BRINP1: variants seen among roughly 807,000 people sequenced by gnomAD.
The protein encoded by BRINP1 is BMP/retinoic acid inducible neural specific 1.
A neutral mutation model predicts 72.9 loss-of-function variants in BRINP1; 17 were observed. The ratio of observed to expected loss-of-function variants is 0.23; its 90% CI spans 0.16 to 0.35. BRINP1 has a LOEUF of 0.35. BRINP1 is among the 10% of genes least tolerant of loss of function. BRINP1 has a pLI of 1.00. For synonymous variants in BRINP1, 418 were observed against 378.5 expected (o/e 1.10, Z -1.21); for missense variants, 850 against 1,001.6 (o/e 0.85, Z 2.04).
chr9:119,263,791 G>T (rs1830520703), intron 2 of BRINP1, among the ~76,000 whole-genome samples: 1 of 151,684 alleles, frequency 6.6e-6, no homozygotes, highest in South Asian at 2.1e-4. Flanking sequence ...TGTATTTTTA[G>T]TAGAGACGGG....
At position 119,167,284 on chromosome 9, in the gene BRINP1, A is replaced by G; in HGVS notation, c.2086T>C (p.Leu696=). Residue 696 remains leucine, a synonymous_variant, in exon 8 of 8, where the codon TTG becomes CTG. Coordinates refer to ENST00000265922, the MANE Select transcript of BRINP1 (RefSeq NM_014618.3). The surrounding 1 kb of genome is among the most constrained non-coding windows in gnomAD (Gnocchi z 4.3). ...FYSSSSVMLL[L]LDIRDRINRL... is the part of the protein sequence containing the mutation. ...TTAATTCGGTCCCGAATATCCAACA[A>G]GAGGAGCATCACTGACGAAGAGGAA... 1 of 1,614,170 alleles carries G rather than the reference A, an allele frequency of 6.2e-7. No individual in the cohort carries two copies. Among genetic ancestry groups the G allele is most frequent in the South Asian group, 1.1e-5 (1 of 91,082 alleles).
intron 1 of BRINP1, among the ~76,000 whole-genome samples, chr9:119,338,923 A>T (rs1041544242): frequency 1.3e-5 from 2 of 149,440 alleles, no homozygotes; most frequent in African/African-American, 4.9e-5. Context: ...CAACAAAAAC[A>T]CAGGGGGGTG....
chr9:119,354,336 A>T (rs555334545), intron 1 of BRINP1, among the ~76,000 whole-genome samples: 1 of 152,322 alleles, frequency 6.6e-6, no homozygotes, highest in Non-Finnish European at 1.5e-5. Flanking sequence ...CATGTTTTAA[A>T]GCCTGGGAAC....
intron 1 of BRINP1, among the ~76,000 whole-genome samples, chr9:119,343,049 T>C (rs941660056): frequency 6.6e-6 from 1 of 152,214 alleles, no homozygotes; most frequent in Non-Finnish European, 1.5e-5. Flanking sequence ...GTAAAGCCGT[T>C]AGCAGAGTGC....
rs1437780092 is a variant in BRINP1 at position 119,242,215 on chromosome 9, C to T, written c.411G>A (p.Gly137=). The change falls in exon 4 of 8, where the codon GGG becomes GGA. Residue 137 remains glycine (G), a splice_region_variant and synonymous_variant. Transcript: ENST00000265922. ...THLLISATLG[G]EEALTMYMDK... Reference sequence around the variant, plus strand: ...CCATATACATGGTCAAAGCCTCCTCCCCTGGATGGGAAAGAAAAGTAGATA... The same window carrying T: ...CCATATACATGGTCAAAGCCTCCTCTCCTGGATGGGAAAGAAAAGTAGATA... The T allele has an allele frequency of 1.9e-6, 3 of 1,613,498 alleles. No individual in the cohort carries two copies. The highest frequency in any genetic ancestry group is 4.5e-5 in the East Asian group (2 of 44,878).
At chr9:119,324,316 C>G (rs1176417910) in intron 1 of BRINP1, among the ~76,000 whole-genome samples, 1 of 152,274 alleles carries the variant, frequency 6.6e-6, no homozygotes, top group East Asian at 1.9e-4. Flanking sequence ...AAGTGAAGAG[C>G]AGAAGCCCTA....
At chr9:119,239,042 CATT>C (rs1295808033) in intron 4 of BRINP1, among the ~76,000 whole-genome samples, 3 of 152,156 alleles carry the variant, frequency 2.0e-5, no homozygotes, top group Non-Finnish European at 4.4e-5. Context: ...GAAGTTGACA[CATT>C]ATATTTCAAA....
chr9:119,339,486 T>A (rs1831386612), intron 1 of BRINP1, among the ~76,000 whole-genome samples: 1 of 152,244 alleles, frequency 6.6e-6, no homozygotes, highest in South Asian at 2.1e-4. Flanking sequence ...CCGTATATCA[T>A]CAATTCCTAG....
intron 2 of BRINP1, among the ~76,000 whole-genome samples, chr9:119,277,913 C>G (rs1048928754): frequency 5.3e-5 from 8 of 152,130 alleles, no homozygotes; most frequent in African/African-American, 9.7e-5. Context: ...AGGTTACCCC[C>G]CTACCTCTGC....
At chr9:119,246,288 A>C (rs1421050838) in intron 3 of BRINP1, among the ~76,000 whole-genome samples, 1 of 152,134 alleles carries the variant, frequency 6.6e-6, no homozygotes, top group East Asian at 1.9e-4. Context: ...GAGTCAGTGG[A>C]CTGGGAAAGG....
intron 1 of BRINP1, among the ~76,000 whole-genome samples, chr9:119,322,183 G>A (rs905721069): frequency 1.7e-4 from 26 of 152,296 alleles, no homozygotes; most frequent in African/African-American, 6.3e-4. Flanking sequence ...TCTTCCAAAA[G>A]ATTCACAAAG....
At chr9:119,242,692 T>C (rs2118912736) in intron 3 of BRINP1, among the ~76,000 whole-genome samples, 1 of 152,322 alleles carries the variant, frequency 6.6e-6, no homozygotes, top group East Asian at 1.9e-4. Context: ...CCCTGATCTT[T>C]TCTTAATAGA....
At chr9:119,314,985 G>C (rs1831110903) in intron 1 of BRINP1, among the ~76,000 whole-genome samples, 1 of 152,066 alleles carries the variant, frequency 6.6e-6, no homozygotes, top group African/African-American at 2.4e-5. Flanking sequence ...CCACTGCCTG[G>C]CCAAACCCTG....
At chr9:119,278,626 G>A (rs1221142) in intron 2 of BRINP1, among the ~76,000 whole-genome samples, 27,934 of 152,020 alleles carry the variant, frequency 0.18, 3,062 homozygotes, top group South Asian at 0.27. Context: ...GCGGTGGCTC[G>A]CGCCTGTAAT....
At chr9:119,341,083 C>T (rs1831401026) in intron 1 of BRINP1, among the ~76,000 whole-genome samples, 1 of 152,072 alleles carries the variant, frequency 6.6e-6, no homozygotes, top group South Asian at 2.1e-4. Context: ...AGACTCATGC[C>T]TTTCACTTCA....
chr9:119,268,346 G>A (rs1214489430), intron 2 of BRINP1, among the ~76,000 whole-genome samples: 2 of 151,790 alleles, frequency 1.3e-5, no homozygotes, highest in South Asian at 2.1e-4. Context: ...TAGCTGATAC[G>A]GACTGGCCTC....
At chr9:119,202,582 A>G (rs1371732070) in intron 7 of BRINP1, among the ~76,000 whole-genome samples, 2 of 152,188 alleles carry the variant, frequency 1.3e-5, no homozygotes, top group Non-Finnish European at 2.9e-5. Flanking sequence ...TGCACAGTGT[A>G]AGGATCTCCT....
rs920479831 is a variant in BRINP1 at position 119,283,133 on chromosome 9, T to C, written c.218+30005A>G. On this transcript the variant is annotated intron_variant, in intron 2 of 7. Coordinates refer to ENST00000265922, the MANE Select transcript of BRINP1 (RefSeq NM_014618.3). Reference sequence around the variant, plus strand: ...AGCGTGAATCTGCGTTCTCACCGGCTGTGGTTGTAAATGAGATCATTTGTT... The same window carrying C: ...AGCGTGAATCTGCGTTCTCACCGGCCGTGGTTGTAAATGAGATCATTTGTT... 1.2e-5 allele frequency: 12 copies of C among 984,800 alleles called. No individual in the cohort carries two copies. In the South Asian group the frequency reaches 5.2e-4, roughly 42 times the overall value. The allele number at this position is 984,800 out of a possible 1,614,324, so 61.0% of individuals were successfully genotyped here. A position where few individuals can be genotyped will look rare whatever the true frequency, so the allele number is the denominator to read the frequency against.
intron 2 of BRINP1, among the ~76,000 whole-genome samples, chr9:119,258,251 G>T (rs1331121156): frequency 1.3e-5 from 2 of 152,110 alleles, no homozygotes; most frequent in Non-Finnish European, 2.9e-5. Context: ...ACACTGGAAG[G>T]GGACTATGTG....
Sources: gnomAD v4.1 joint callset for allele counts (sites outside exome capture counted in the v4.1 genomes callset) on GRCh38, gnomAD v4.1.1 for gene constraint, Gnocchi (gnomAD v3.1) non-coding constraint, MANE v1.5 for transcripts, NCBI Gene and HGNC (gene_info 2026-07-23, HGNC 2026-07-21) for gene names.